Variants in KIF14 observed in about 807,000 individuals in gnomAD.
KIF14 encodes the protein kinesin-like protein KIF14.
KIF14 carries 98 observed loss-of-function variants against 176.2 expected under a neutral mutation model. That is an observed-to-expected ratio of 0.56 (90% confidence interval 0.47 to 0.66). KIF14 has a LOEUF of 0.66. Among genes scored for constraint, KIF14 ranks in the 30% least tolerant of loss-of-function variants. The pLI is 0.00. For synonymous variants in KIF14, 566 were observed against 632.2 expected (o/e 0.90, Z 1.57); for missense variants, 1,751 against 1,920.4 (o/e 0.91, Z 1.65).
Position 200,575,654 on chromosome 1 carries a change from T to C in KIF14, c.3503A>G (p.Asp1168Gly). The C allele has an allele frequency of 6.3e-7, 1 of 1,590,978 alleles. No individual in the cohort carries two copies. Among genetic ancestry groups the C allele is most frequent in the Non-Finnish European group, 8.6e-7 (1 of 1,165,056 alleles). ...GSNRGEDAFC[D>G]PEDEWEPDIT... ...GTCGGGTTCCCATTCATCTTCAGGA[T>C]CACAAAAGGCATCTTCACCCCTGTT... The change falls in exon 22 of 30, where the codon GAT becomes GGT. Residue 1168 changes from aspartate to glycine, a missense_variant. Physicochemically the swap from Asp to Gly is moderately conservative, Grantham distance 94. Transcript: ENST00000367350.
At position 200,589,386 on chromosome 1, in the gene KIF14, TA is replaced by T; in HGVS notation, c.2962-18del. 1.3e-6 allele frequency: 2 copies of T among 1,577,338 alleles called. No individual in the cohort carries two copies. The highest frequency in any genetic ancestry group is 1.4e-5 in the African/African-American group (1 of 73,242). On this transcript the variant is annotated intron_variant, in intron 17 of 29. Coordinates refer to ENST00000367350, the MANE Select transcript of KIF14 (RefSeq NM_014875.3). Reference sequence around the variant, plus strand: ...CTCTTCTCTCTTTAAAGAACAATAATAAAAAATATCTCAGGCAAAAACCGTA... The same window carrying T: ...CTCTTCTCTCTTTAAAGAACAATAATAAAAATATCTCAGGCAAAAACCGTA...
At chr1:200,598,563 A>T (rs1293083113) in intron 13 of KIF14, 142 bp from the exon 14 acceptor site, 2 of 554,814 alleles carry the variant, frequency 3.6e-6, no homozygotes, top group South Asian at 3.8e-5. Context: ...TTATTTTTTT[A>T]TTTTTATTTT....
At chr1:200,614,260 A>G in intron 4 of KIF14, 58 bp downstream of exon 4, 1 of 917,092 alleles carries the variant, frequency 1.1e-6, no homozygotes, top group South Asian at 1.4e-5. Flanking sequence ...ACTGATTTGA[A>G]CTTGATTTGA....
At chr1:200,601,493 ACTCGAG>A (rs1171441221) in intron 11 of KIF14, among the ~76,000 whole-genome samples, 12 of 152,168 alleles carry the variant, frequency 7.9e-5, no homozygotes, top group African/African-American at 2.9e-4. Context: ...TATACTAGAA[ACTCGAG>A]CTCCAATTGC....
chr1:200,581,135 A>AAATT, intron 20 of KIF14, 66 bp downstream of exon 20: 1 of 707,736 alleles, frequency 1.4e-6, no homozygotes, highest in Non-Finnish European at 2.3e-6. Context: ...AAAAAAAAAG[A>AAATT]GAAACTAAAT....
intron 22 of KIF14, among the ~76,000 whole-genome samples, chr1:200,571,218 G>C (rs1035743892): frequency 2.4e-4 from 36 of 151,610 alleles, no homozygotes; most frequent in African/African-American, 8.5e-4. Flanking sequence ...GGGAGGCTGA[G>C]GCAGAAGAAT....
At chr1:200,600,223 A>G in intron 12 of KIF14, 110 bp from the exon 13 acceptor site, 1 of 1,200,922 alleles carries the variant, frequency 8.3e-7, no homozygotes, top group Non-Finnish European at 1.2e-6. Context: ...TATTTAAAAT[A>G]TGATAATCTG....
In KIF14 at chr1:200,618,309, C is replaced by A; in HGVS notation, c.415G>T (p.Asp139Tyr). ...ACATTCAGTGTCATTTTGACAGAAT[C>A]TATTTCAGCTGTTTTCCACTTTTCT... is the stretch of plus-strand genomic sequence containing the variant. Reference protein sequence around the residue: ...SAEKWKTAEIDSVKMTLNVGG... With the variant: ...SAEKWKTAEIYSVKMTLNVGG... Residue 139 changes from aspartate (D) to tyrosine (Y), a missense_variant, in exon 2 of 30, where the codon GAT becomes TAT. Physicochemically the swap from Asp to Tyr is radical, Grantham distance 160. Coordinates refer to ENST00000367350, the MANE Select transcript of KIF14 (RefSeq NM_014875.3). 1 of 1,613,860 alleles carries A rather than the reference C, an allele frequency of 6.2e-7. No individual in the cohort carries two copies. Among genetic ancestry groups the A allele is most frequent in the Middle Eastern group, 1.6e-4 (1 of 6,062 alleles).
intron 10 of KIF14, among the ~76,000 whole-genome samples, chr1:200,602,463 A>C (rs1659672580): frequency 6.6e-6 from 1 of 152,220 alleles, no homozygotes. Context: ...TCTATATTGT[A>C]CTAAAAGCAA....
At chr1:200,605,177 C>G in intron 8 of KIF14, 106 bp downstream of exon 8, 5 of 1,076,084 alleles carry the variant, frequency 4.6e-6, no homozygotes, top group Non-Finnish European at 5.6e-6. Flanking sequence ...GGGTGATCAC[C>G]AGGGTGAAAA....
At chr1:200,582,852 T>A (rs1395128237) in intron 19 of KIF14, among the ~76,000 whole-genome samples, 2 of 150,534 alleles carry the variant, frequency 1.3e-5, no homozygotes, top group African/African-American at 4.9e-5. Flanking sequence ...AGAGCAAGAC[T>A]CTGTCTCAGA....
At chr1:200,600,610 G>A in intron 11 of KIF14, 107 bp from the exon 12 acceptor site, 1 of 731,180 alleles carries the variant, frequency 1.4e-6, no homozygotes, top group Non-Finnish European at 2.2e-6. Context: ...TTTAAATACA[G>A]TATTACTAAA....
At chr1:200,589,150 ACTT>A in intron 18 of KIF14, 64 bp downstream of exon 18, 8 of 1,332,122 alleles carry the variant, frequency 6.0e-6, no homozygotes, top group Non-Finnish European at 8.3e-6. Flanking sequence ...ACCATAAGCC[ACTT>A]CTTTGAAAAA....
chr1:200,553,223 A>T lies in KIF14; in HGVS notation c.*165T>A, dbSNP rs10800708. 405,878 of 712,532 alleles carry T rather than the reference A, an allele frequency of 0.57. 117,908 individuals are homozygous for T. The highest frequency in any genetic ancestry group is 0.69 in the East Asian group (23,342 of 33,790). 44.1% of individuals were successfully genotyped at this position (712,532 alleles called of 1,614,324 possible). On this transcript the variant is annotated 3_prime_UTR_variant, in exon 30 of 30. Coordinates refer to ENST00000367350, the MANE Select transcript of KIF14 (RefSeq NM_014875.3). ...AGTGCTGGGATTACAGGCGTGAGCC[A>T]CTGTGTCTGGCCTTTGATAAATAGA...
At position 200,551,877 on chromosome 1, in the gene KIF14, G is replaced by A. The variant is rs1295802521; in HGVS notation, c.*1511C>T. 3.3e-5 allele frequency: 5 copies of A among 152,132 alleles called. 1 individual carries two copies. Among genetic ancestry groups the A allele is most frequent in the African/African-American group, 1.2e-4 (5 of 41,436 alleles). The allele number at this position is 152,132 out of a possible 1,614,324, so 9.4% of individuals were successfully genotyped here. A position where few individuals can be genotyped will look rare whatever the true frequency, so the allele number is the denominator to read the frequency against. ...TAATAAAAACACATATAGAGCTTCA[G>A]AAAGAATACAAGGTCAAATGCCAAA... On this transcript the variant is annotated 3_prime_UTR_variant, in exon 30 of 30. Coordinates refer to ENST00000367350, the MANE Select transcript of KIF14 (RefSeq NM_014875.3).
chr1:200,607,156 T>C (rs1659923694), intron 5 of KIF14, among the ~76,000 whole-genome samples: 1 of 152,024 alleles, frequency 6.6e-6, no homozygotes, highest in Non-Finnish European at 1.5e-5. Flanking sequence ...TTTGTCTGTT[T>C]TGAGACAGAG....
At chr1:200,584,566 A>G (rs1571509962) in intron 19 of KIF14, among the ~76,000 whole-genome samples, 1 of 152,230 alleles carries the variant, frequency 6.6e-6, no homozygotes, top group African/African-American at 2.4e-5. Flanking sequence ...ACAAATCAAT[A>G]AATGTGATAT....
In KIF14 at chr1:200,614,398, C is replaced by T. The variant is rs1660302910; in HGVS notation, c.1375G>A (p.Gly459Arg). Residue 459 changes from glycine (G) to arginine (R), a missense_variant, in exon 4 of 30, where the codon GGA becomes AGA. Coordinates refer to ENST00000367350, the MANE Select transcript of KIF14 (RefSeq NM_014875.3). Reference protein sequence around the residue: ...TGSGKSYTMMGFSEEPGIIPR... With the variant: ...TGSGKSYTMMRFSEEPGIIPR... Reference sequence around the variant, plus strand: ...ATTATTCCTGGTTCTTCACTAAATCCCATCATCCTGAAAAATACATTATGA... The same window carrying T: ...ATTATTCCTGGTTCTTCACTAAATCTCATCATCCTGAAAAATACATTATGA... 6.3e-7 allele frequency: 1 copy of T among 1,581,844 alleles called. No individual in the cohort carries two copies. The highest frequency in any genetic ancestry group is 1.7e-5 in the Admixed American group (1 of 58,584).
At chr1:200,572,117 G>C (rs182870513) in intron 22 of KIF14, among the ~76,000 whole-genome samples, 3 of 152,094 alleles carry the variant, frequency 2.0e-5, no homozygotes, top group African/African-American at 7.2e-5. Context: ...CTGAAACTTC[G>C]TATACAAGGT....
Sources: allele counts gnomAD v4.1 joint callset (sites outside exome capture counted in the v4.1 genomes callset), GRCh38; gene constraint gnomAD v4.1.1; transcripts MANE v1.5; gene names NCBI Gene and HGNC (gene_info 2026-07-23, HGNC 2026-07-21).